The following MRPS30 variants were observed in gnomAD, a reference collection of about 807,000 sequenced individuals.
MRPS30 encodes large ribosomal subunit protein mL65.
A neutral mutation model predicts 43.8 loss-of-function variants in MRPS30; 42 were observed. The observed-to-expected ratio is 0.96, with a 90% CI of 0.75 to 1.24. The LOEUF is 1.24. Among genes scored for constraint, MRPS30 ranks in the 50% most tolerant of loss-of-function variants. The pLI is 0.00. For synonymous variants in MRPS30, 273 were observed against 228.2 expected (o/e 1.20, Z -1.77); for missense variants, 638 against 570.0 (o/e 1.12, Z -1.22).
rs535831124 is a variant in MRPS30 at position 44,809,057 on chromosome 5, C to G, written c.95C>G (p.Thr32Ser). ...ANAAATATET[T>S]CQDVAATPVA... Reference sequence around the variant, plus strand: ...GCCGCCGCCACGGCTACAGAAACGACCTGCCAAGACGTCGCGGCGACCCCC... The same window carrying G: ...GCCGCCGCCACGGCTACAGAAACGAGCTGCCAAGACGTCGCGGCGACCCCC... Residue 32 changes from threonine to serine, a missense_variant, in exon 1 of 5, where the codon ACC becomes AGC. Thr to Ser is a moderately conservative substitution (Grantham distance 58). Coordinates refer to ENST00000507110, the MANE Select transcript of MRPS30 (RefSeq NM_016640.4). The G allele has an allele frequency of 6.2e-7, 1 of 1,610,788 alleles. No homozygotes were observed. The highest frequency in any genetic ancestry group is 1.3e-5 in the African/African-American group (1 of 75,040).
chr5:44,813,403 C>A, intron 4 of MRPS30, 121 bp downstream of exon 4: 1 of 815,008 alleles, frequency 1.2e-6, no homozygotes, highest in Non-Finnish European at 1.8e-6. Flanking sequence ...TAAACTTTTG[C>A]ATTGGCACAA....
At position 44,815,037 on chromosome 5, in the gene MRPS30, A is replaced by G; in HGVS notation, c.1155A>G (p.Gln385=). 6.2e-7 allele frequency: 1 copy of G among 1,613,926 alleles called. No individual in the cohort carries two copies. Among genetic ancestry groups the G allele is most frequent in the Non-Finnish European group, 8.5e-7 (1 of 1,179,846 alleles). Residue 385 remains glutamine (Q), a synonymous_variant, in exon 5 of 5, where the codon CAA becomes CAG. Coordinates refer to ENST00000507110, the MANE Select transcript of MRPS30 (RefSeq NM_016640.4). ...NTLALTTQAD[Q]NNPRKNICWG... ...TGGCACTGACTACACAAGCTGATCA[A>G]AATAACCCTCGTAAAAATATATGTT...
intron 3 of MRPS30, among the ~76,000 whole-genome samples, chr5:44,812,248 T>C (rs780719044): frequency 7.9e-5 from 12 of 152,336 alleles, no homozygotes; most frequent in Admixed American, 1.3e-4. Context: ...AATAGAAGTA[T>C]TTAACTTTAG....
intron 1 of MRPS30, 52 bp downstream of exon 1, chr5:44,809,615 G>A (rs1742794860): frequency 6.8e-7 from 1 of 1,478,778 alleles, no homozygotes; most frequent in African/African-American, 1.4e-5. Context: ...GGATTGTACT[G>A]GGTTACTCTG....
intron 2 of MRPS30, 73 bp downstream of exon 2, chr5:44,811,227 T>G (rs1427120644): frequency 2.0e-5 from 30 of 1,496,826 alleles, no homozygotes; most frequent in Non-Finnish European, 2.7e-5. Flanking sequence ...TGAGTAATAG[T>G]CTTAGTAGAA....
At chr5:44,813,057 A>G (rs1561266390) in intron 3 of MRPS30, 49 bp from the exon 4 acceptor site, 6 of 1,573,016 alleles carry the variant, frequency 3.8e-6, no homozygotes, top group South Asian at 2.3e-5. Flanking sequence ...TGTGCTCCAC[A>G]TGTTCTACAT....
intron 3 of MRPS30, among the ~76,000 whole-genome samples, chr5:44,812,341 C>T (rs1444057368): frequency 1.3e-5 from 2 of 152,004 alleles, no homozygotes; most frequent in Non-Finnish European, 2.9e-5. Context: ...CTTGAGATAG[C>T]AATTGGCTTT....
chr5:44,809,091 G>C lies in MRPS30; in HGVS notation c.129G>C (p.Arg43=). Reference sequence around the variant, plus strand: ...ACGTCGCGGCGACCCCCGTCGCGCGGTACCCGCCGATTGTGGCCTCCATGA... The same window carrying C: ...ACGTCGCGGCGACCCCCGTCGCGCGCTACCCGCCGATTGTGGCCTCCATGA... ...CQDVAATPVA[R]YPPIVASMTA... is the part of the protein sequence containing the mutation. Residue 43 remains arginine, a synonymous_variant, in exon 1 of 5, where the codon CGG becomes CGC. Transcript: ENST00000507110. 6.2e-7 allele frequency: 1 copy of C among 1,609,548 alleles called. No individual in the cohort carries two copies. The highest frequency in any genetic ancestry group is 8.5e-7 in the Non-Finnish European group (1 of 1,178,598).
In MRPS30 at chr5:44,809,023, G is replaced by C. The variant is rs762161775; in HGVS notation, c.61G>C (p.Ala21Pro). ...LRGPRLSLHT[A>P]ANAAATATET... ...CGGTCCGAGGCTTTCATTGCACACC[G>C]CGGCTAATGCCGCCGCCACGGCTAC... Residue 21 changes from alanine to proline, a missense_variant, in exon 1 of 5, where the codon GCG (alanine) becomes CCG (proline). Physicochemically the swap from Ala to Pro is conservative, Grantham distance 27. Coordinates refer to ENST00000507110, the MANE Select transcript of MRPS30 (RefSeq NM_016640.4). 1 of 1,609,794 alleles carries C rather than the reference G, an allele frequency of 6.2e-7. No homozygotes were observed.
chr5:44,811,153 A>C lies in MRPS30; in HGVS notation c.746A>C (p.Glu249Ala). The C allele has an allele frequency of 6.2e-7, 1 of 1,613,882 alleles. No individual in the cohort carries two copies. The highest frequency in any genetic ancestry group is 1.7e-5 in the Admixed American group (1 of 60,018). Residue 249 changes from glutamate (E) to alanine (A), a missense_variant and splice_region_variant, in exon 2 of 5, where the codon GAG (glutamate) becomes GCG (alanine). Transcript: ENST00000507110. ...ATTCGAATATCCAAGCAACTCGCAGAGGTAAGGATTTATTGCGATTATGTA... is the reference window on the plus strand; with the variant it reads ...ATTCGAATATCCAAGCAACTCGCAGCGGTAAGGATTTATTGCGATTATGTA... ...NQIRISKQLA[E>A]FVPLDYSVPI...
At chr5:44,813,078 T>C (rs1478468734) in intron 3 of MRPS30, 28 bp from the exon 4 acceptor site, 1 of 1,603,964 alleles carries the variant, frequency 6.2e-7, no homozygotes, top group Non-Finnish European at 8.5e-7. Flanking sequence ...GTTTGTTTCA[T>C]CTGAAATGTT....
At chr5:44,810,846 T>G (rs1742828652) in intron 1 of MRPS30, among the ~76,000 whole-genome samples, 163 bp from the exon 2 acceptor site, 1 of 152,212 alleles carries the variant, frequency 6.6e-6, no homozygotes, top group Non-Finnish European at 1.5e-5. Context: ...AATGTTTGAA[T>G]GTTATATTTA....
chr5:44,809,677 C>A (rs1742796843), intron 1 of MRPS30, 114 bp downstream of exon 1: 1 of 1,217,462 alleles, frequency 8.2e-7, no homozygotes, highest in Admixed American at 2.6e-5. Flanking sequence ...TCATGTTTTC[C>A]TAGTCCTTTC....
chr5:44,809,993 G>A (rs1201905000), intron 1 of MRPS30: 1 of 165,254 alleles, frequency 6.1e-6, no homozygotes, highest in Non-Finnish European at 1.3e-5. Context: ...TTTAAATTTA[G>A]TATGTCTTTT....
chr5:44,815,018 T>G lies in MRPS30; in HGVS notation c.1136T>G (p.Leu379Arg), dbSNP rs1392793088. The G allele has an allele frequency of 6.2e-7, 1 of 1,613,928 alleles. No individual in the cohort carries two copies. Residue 379 changes from leucine to arginine, a missense_variant, in exon 5 of 5, where the codon CTG becomes CGG. Physicochemically the swap from Leu to Arg is moderately radical, Grantham distance 102. Coordinates refer to ENST00000507110, the MANE Select transcript of MRPS30 (RefSeq NM_016640.4). ...FFCYQLNTLA[L>R]TTQADQNNPR... ...TGCTACCAGCTAAATACTTTGGCAC[T>G]GACTACACAAGCTGATCAAAATAAC...
rs373480376 is a variant in MRPS30 at position 44,809,575 on chromosome 5, A to T, written c.601+12A>T. 5.2e-5 allele frequency: 82 copies of T among 1,577,024 alleles called. No individual in the cohort carries two copies. The African/African-American group carries it at 9.9e-4, about 19-fold the overall frequency. On this transcript the variant is annotated intron_variant, in intron 1 of 4. Coordinates refer to ENST00000507110, the MANE Select transcript of MRPS30 (RefSeq NM_016640.4). ...CGCTGCCGCCCTCGGTGAGCCTTGG[A>T]TTCCGCCCCAGGGCGGAAGGGAGAG...
intron 4 of MRPS30, chr5:44,813,654 T>C (rs1742877432): frequency 6.2e-6 from 1 of 160,098 alleles, no homozygotes; most frequent in African/African-American, 2.4e-5. Context: ...ATAATTTCTT[T>C]AAAGGTTATA....
In MRPS30 at chr5:44,809,512, C is replaced by T. The variant is rs1742790809; in HGVS notation, c.550C>T (p.Leu184Phe). ...LPFLDQLVSTLVGLLSPHNPA... is the reference protein window; with the variant it reads ...LPFLDQLVSTFVGLLSPHNPA... ...CTTCCTGGATCAGCTGGTGTCAACC[C>T]TCGTGGGCCTCCTCAGCCCACACAA... is the stretch of plus-strand genomic sequence containing the variant. The change falls in exon 1 of 5, where the codon CTC (leucine) becomes TTC (phenylalanine). Residue 184 changes from leucine (L) to phenylalanine (F), a missense_variant. Transcript: ENST00000507110. The T allele has an allele frequency of 6.2e-7, 1 of 1,612,240 alleles. No individual in the cohort carries two copies. Among genetic ancestry groups the T allele is most frequent in the Non-Finnish European group, 8.5e-7 (1 of 1,179,248 alleles).
chr5:44,810,472 A>G (rs529858893), intron 1 of MRPS30, among the ~76,000 whole-genome samples: 1 of 152,306 alleles, frequency 6.6e-6, no homozygotes, highest in Admixed American at 6.5e-5. Context: ...TATTTATTGA[A>G]GTAATGTTAG....
Sources: gnomAD v4.1 joint callset for allele counts (sites outside exome capture counted in the v4.1 genomes callset) on GRCh38, gnomAD v4.1.1 for gene constraint, MANE v1.5 for transcripts, NCBI Gene and HGNC (gene_info 2026-07-23, HGNC 2026-07-21) for gene names.